Variants in MDN1 observed in about 807,000 individuals in gnomAD.
The protein encoded by MDN1 is midasin.
Under a neutral mutation model 669.2 loss-of-function variants are expected in MDN1, and 266 were observed. The ratio of observed to expected loss-of-function variants is 0.40; its 90% CI spans 0.36 to 0.44. The LOEUF (loss-of-function observed/expected upper bound fraction) is 0.44, where lower values mean the gene tolerates loss of function less well. MDN1 is among the 20% of genes least tolerant of loss of function. MDN1 has a pLI of 1.00. For missense variants in MDN1, 5,940 were observed against 6,754.0 expected (o/e 0.88, Z 4.22); for synonymous variants, 2,385 against 2,457.1 (o/e 0.97, Z 0.87).
chr6:89,765,589 C>T (rs1212995269), intron 15 of MDN1, among the ~76,000 whole-genome samples: 2 of 152,216 alleles, frequency 1.3e-5, no homozygotes, highest in Non-Finnish European at 2.9e-5. Context: ...GCTGAGATTA[C>T]ATGCATGAGC....
rs1428001069 is a variant in MDN1, at chr6:89,692,918, T to G, written c.10112A>C (p.Glu3371Ala). The change falls in exon 63 of 102, where the codon GAG (glutamate) becomes GCG (alanine). Residue 3371 changes from glutamate to alanine, a missense_variant. Around this residue, in one of 5 missense-constraint regions of MDN1, gnomAD observed 150 missense variants for 234.2 expected, o/e 0.64. Coordinates refer to ENST00000369393, the MANE Select transcript of MDN1 (RefSeq NM_014611.3). ...SAQVAQSLLK[E>A]EASWQQSHHQ... is the part of the protein sequence containing the mutation. Reference sequence around the variant, plus strand: ...GTGTGACTGCTGCCAAGAGGCCTCCTCCTTTAGAAGGCTCTGGGCTACTTG... The same window carrying G: ...GTGTGACTGCTGCCAAGAGGCCTCCGCCTTTAGAAGGCTCTGGGCTACTTG... The G allele has an allele frequency of 6.2e-7, 1 of 1,614,196 alleles. No individual in the cohort carries two copies. Among genetic ancestry groups the G allele is most frequent in the Non-Finnish European group, 8.5e-7 (1 of 1,180,018 alleles).
At chr6:89,660,048 C>A (rs1020982615) in intron 88 of MDN1, among the ~76,000 whole-genome samples, 1 of 152,084 alleles carries the variant, frequency 6.6e-6, no homozygotes, top group African/African-American at 2.4e-5. Context: ...CCACCACACC[C>A]AGCTAATTTT....
At position 89,758,929 on chromosome 6, in the gene MDN1, T is replaced by G. The variant is rs563016326; in HGVS notation, c.2492A>C (p.Glu831Ala). Residue 831 changes from glutamate to alanine, a missense_variant, in exon 18 of 102, where the codon GAG becomes GCG. Physicochemically the swap from Glu to Ala is moderately radical, Grantham distance 107. Around this residue, in one of 5 missense-constraint regions of MDN1, gnomAD observed 1,203 missense variants for 1,268.9 expected, o/e 0.95. Coordinates refer to ENST00000369393, the MANE Select transcript of MDN1 (RefSeq NM_014611.3). The stretch of plus-strand genomic sequence containing the variant: ...GTTAATCTCATCCAACAAGATCCAC[T>G]CTCCTTTCTTTACAGCCTGAGCTAA... Reference protein sequence around the residue: ...GTLAQAVKKGEWILLDEINLA... With the variant: ...GTLAQAVKKGAWILLDEINLA... 1.2e-6 allele frequency: 2 copies of G among 1,613,838 alleles called. No homozygotes were observed. Among genetic ancestry groups the G allele is most frequent in the South Asian group, 2.2e-5 (2 of 91,080 alleles).
In MDN1 at chr6:89,662,172, T is replaced by A; in HGVS notation, c.14480A>T (p.Gln4827Leu). 1 of 1,614,144 alleles carries A rather than the reference T, an allele frequency of 6.2e-7. No homozygotes were observed. Reference protein sequence around the residue: ...DSGNSNKDKSQQDKKEEKEEA... With the variant: ...DSGNSNKDKSLQDKKEEKEEA... ...TTCCTTTTCTTCCTTCTTATCTTGC[T>A]GGCTTTTATCTTTGTTTGAATTGCC... The change falls in exon 87 of 102, where the codon CAG (glutamine) becomes CTG (leucine). Residue 4827 changes from glutamine to leucine, a missense_variant. Coordinates refer to ENST00000369393, the MANE Select transcript of MDN1 (RefSeq NM_014611.3).
chr6:89,777,566 C>A (rs960550091), intron 11 of MDN1, among the ~76,000 whole-genome samples: 1 of 152,184 alleles, frequency 6.6e-6, no homozygotes, highest in Non-Finnish European at 1.5e-5. Flanking sequence ...GGCCTGAATT[C>A]TGCTAAAATG....
At chr6:89,745,211 T>C (rs1816541624) in intron 29 of MDN1, 62 bp downstream of exon 29, 2 of 1,559,254 alleles carry the variant, frequency 1.3e-6, no homozygotes, top group African/African-American at 1.4e-5. Context: ...TCTTCAGTGA[T>C]AACTCAAGTA....
chr6:89,741,125 G>A (rs1380282465), intron 31 of MDN1, among the ~76,000 whole-genome samples: 1 of 152,104 alleles, frequency 6.6e-6, no homozygotes, highest in African/African-American at 2.4e-5. Flanking sequence ...CCAGCTACTC[G>A]GGAGGCTGAG....
chr6:89,653,631 A>C (rs1232810091), intron 93 of MDN1, among the ~76,000 whole-genome samples: 1 of 152,226 alleles, frequency 6.6e-6, no homozygotes, highest in African/African-American at 2.4e-5. Flanking sequence ...CTGAGAGGAC[A>C]GGAACTAAGC....
chr6:89,817,287 T>C (rs992206964), intron 1 of MDN1, among the ~76,000 whole-genome samples: 8 of 152,210 alleles, frequency 5.3e-5, no homozygotes, highest in South Asian at 4.1e-4. Context: ...AATAAATCTC[T>C]TAGAATATTT....
At chr6:89,726,617 G>T (rs1249663044) in intron 37 of MDN1, among the ~76,000 whole-genome samples, 1 of 152,102 alleles carries the variant, frequency 6.6e-6, no homozygotes, top group African/African-American at 2.4e-5. Flanking sequence ...TCAAAGTCAG[G>T]ATATAAAGTG....
intron 90 of MDN1, 88 bp from the exon 91 acceptor site, chr6:89,656,889 A>C: frequency 6.5e-6 from 7 of 1,083,898 alleles, no homozygotes; most frequent in Non-Finnish European, 9.6e-6. Flanking sequence ...AACTTCTCTC[A>C]CTGCTGTCCT....
intron 32 of MDN1, among the ~76,000 whole-genome samples, chr6:89,739,671 A>G (rs911064020): frequency 4.6e-5 from 7 of 152,168 alleles, no homozygotes; most frequent in African/African-American, 1.2e-4. Context: ...TTGGTTCCCA[A>G]ATATATCTGA....
At chr6:89,664,339 C>T in intron 85 of MDN1, 148 bp downstream of exon 85, 2 of 865,512 alleles carry the variant, frequency 2.3e-6, no homozygotes, top group Non-Finnish European at 3.6e-6. Context: ...ATAGCACATG[C>T]AGCTGCTGAG....
rs1294850152 is a variant in MDN1, at chr6:89,794,183, C to CA, written c.578dup (p.Leu193PhefsTer7). ...TGTGCTCTTCATTCATACAGGTAACCAAAGCAAGACAATTGGCTGTATACC... is the reference window on the plus strand; with the variant it reads ...TGTGCTCTTCATTCATACAGGTAACCAAAAGCAAGACAATTGGCTGTATACC... On this transcript the variant is annotated frameshift_variant, in exon 4 of 102. Coordinates refer to ENST00000369393, the MANE Select transcript of MDN1 (RefSeq NM_014611.3). LOFTEE classifies it high-confidence loss of function. The CA allele has an allele frequency of 6.3e-7, 1 of 1,593,800 alleles. No individual in the cohort carries two copies. The highest frequency in any genetic ancestry group is 8.5e-7 in the Non-Finnish European group (1 of 1,172,230).
intron 42 of MDN1, 61 bp from the exon 43 acceptor site, chr6:89,718,688 A>G: frequency 6.2e-7 from 1 of 1,607,188 alleles, no homozygotes; most frequent in South Asian, 1.1e-5. Flanking sequence ...ATCTGTACTC[A>G]TCACCAACTC....
chr6:89,667,946 G>A (rs1315511322), intron 84 of MDN1, 68 bp downstream of exon 84: 15 of 1,569,830 alleles, frequency 9.6e-6, no homozygotes, highest in Non-Finnish European at 1.3e-5. Flanking sequence ...CCATTTTTAT[G>A]TGTAACTTAC....
In MDN1 at chr6:89,746,220, T is replaced by C. The variant is rs530425369; in HGVS notation, c.3905-594A>G. Among the ~76,000 whole-genome samples the C allele has an allele frequency of 5.9e-5, 9 of 152,306 alleles. No homozygotes were observed. The East Asian group carries it at 7.7e-4, about 13-fold the overall frequency. ...CACTGTCAAGAGACCTACTGAGTTA[T>C]TGGAAATATTCTAAATCTTGGTCTA... is the stretch of plus-strand genomic sequence containing the variant. On this transcript the variant is annotated intron_variant, in intron 27 of 101. Transcript: ENST00000369393.
In MDN1 at chr6:89,745,271, A is replaced by G; in HGVS notation, c.4178+2T>C. 1 of 1,613,760 alleles carries G rather than the reference A, an allele frequency of 6.2e-7. No individual in the cohort carries two copies. The highest frequency in any genetic ancestry group is 8.5e-7 in the Non-Finnish European group (1 of 1,179,820). Reference sequence around the variant, plus strand: ...TCATGAGTCACTGTCACAGATCTTTACCCAGTGTCTCCAACCAGCAGCACA... The same window carrying G: ...TCATGAGTCACTGTCACAGATCTTTGCCCAGTGTCTCCAACCAGCAGCACA... On this transcript the variant is annotated splice_donor_variant, in intron 29 of 101. Coordinates refer to ENST00000369393, the MANE Select transcript of MDN1 (RefSeq NM_014611.3). LOFTEE classifies it high-confidence loss of function.
intron 13 of MDN1, among the ~76,000 whole-genome samples, chr6:89,773,970 G>GAAAAAA: frequency 1.0e-5 from 1 of 96,840 alleles, no homozygotes; most frequent in South Asian, 3.2e-4. Flanking sequence ...GTCTTAAAAA[G>GAAAAAA]AAAAAAAAAA....
Sources: allele counts gnomAD v4.1 joint callset (sites outside exome capture counted in the v4.1 genomes callset), GRCh38; gene constraint gnomAD v4.1.1; regional missense constraint gnomAD v4.1.1; transcripts MANE v1.5; gene names NCBI Gene and HGNC (gene_info 2026-07-23, HGNC 2026-07-21).